The following ADGRD2 variants were observed in gnomAD, a reference collection of about 807,000 sequenced individuals.
The protein encoded by ADGRD2 is G protein-coupled receptor PGR24.
A neutral mutation model predicts 44.4 loss-of-function variants in ADGRD2; 71 were observed. The observed-to-expected ratio is 1.60, with a 90% CI of 1.32 to 1.95. The LOEUF is 1.95. Ranked by LOEUF, ADGRD2 falls within the 30% of genes most tolerant of loss-of-function variation. ADGRD2 has a pLI of 0.00. For synonymous variants in ADGRD2, 481 were observed against 224.8 expected (o/e 2.14, Z -10.19); for missense variants, 1,039 against 512.4 (o/e 2.03, Z -9.92).
At chr9:124,452,655 T>C (rs960927677) in exon 2 of ADGRD2, 1 of 717,968 alleles carries the variant, frequency 1.4e-6, no homozygotes, top group Non-Finnish European at 2.6e-6. Flanking sequence ...GGGTTCTTGC[T>C]TCACGGCTGC....
intron 10 of ADGRD2, 122 bp downstream of exon 13, chr9:124,458,843 G>A: frequency 1.6e-6 from 1 of 610,506 alleles, no homozygotes; most frequent in South Asian, 2.0e-5. Context: ...AAAGGTACCT[G>A]CAAGCCACCT....
At chr9:124,466,364 G>A in exon 11 of ADGRD2, 1 of 717,438 alleles carries the variant, frequency 1.4e-6, no homozygotes, top group Non-Finnish European at 2.6e-6. Context: ...GCCTGCTTCT[G>A]CAACCACAGC....
At chr9:124,475,530 G>T (rs1375684286) in intron 18 of ADGRD2, 41 bp from the exon 22 acceptor site, 1 of 715,844 alleles carries the variant, frequency 1.4e-6, no homozygotes, top group African/African-American at 1.7e-5. Context: ...GGTCCAAGGG[G>T]TAGGGAGGGT....
At chr9:124,451,998 C>CGGGGGGGGGG, upstream of ADGRD2, 1 of 335,356 alleles carries the variant, frequency 3.0e-6, no homozygotes. Context: ...CCACTGAATG[C>CGGGGGGGGGG]CCCCCTCCCA....
intron 10 of ADGRD2, among the ~76,000 whole-genome samples, chr9:124,461,706 G>A (rs1232070147): frequency 6.6e-6 from 1 of 150,860 alleles, no homozygotes; most frequent in Non-Finnish European, 1.5e-5. Context: ...TTGAAATCAG[G>A]TAGTGTATCT....
At chr9:124,471,679 G>C (rs563842519) in intron 17 of ADGRD2, among the ~76,000 whole-genome samples, 1 of 152,200 alleles carries the variant, frequency 6.6e-6, no homozygotes, top group African/African-American at 2.4e-5. Flanking sequence ...CCACAGATGG[G>C]TCCTGGCTGG....
rs747930744 is a variant in ADGRD2 at position 124,456,609 on chromosome 9, A to G, written c.1394-13A>G. ...AGAGTGTGACAGAGAGCTGAGATGC[A>G]GCGTCCTCCCAGGTGATTGGTGGGC... On this transcript the variant is annotated splice_polypyrimidine_tract_variant and intron_variant, in intron 6 of 21. Coordinates refer to ENST00000334810, the Ensembl canonical transcript of ADGRD2. 7 of 718,128 alleles carry G rather than the reference A, an allele frequency of 9.7e-6. No individual in the cohort carries two copies. The highest frequency in any genetic ancestry group is 1.7e-5 in the African/African-American group (1 of 57,372). The allele number at this position is 718,128 out of a possible 1,614,324, so 44.5% of individuals were successfully genotyped here.
upstream of ADGRD2, chr9:124,451,485 C>T (rs191758920): frequency 4.0e-5 from 14 of 347,744 alleles, no homozygotes; most frequent in Admixed American, 3.9e-4. Context: ...GCTTCCAGCC[C>T]ACTGGTTGGT....
chr9:124,450,521 G>C (rs553811220), upstream of ADGRD2, among the ~76,000 whole-genome samples: 1 of 152,376 alleles, frequency 6.6e-6, no homozygotes, highest in Admixed American at 6.5e-5. Context: ...GTGAGGAACT[G>C]GAGCTGGGAA....
At chr9:124,457,145 C>A (rs1831632444) in intron 7 of ADGRD2, among the ~76,000 whole-genome samples, 1 of 152,246 alleles carries the variant, frequency 6.6e-6, no homozygotes, top group African/African-American at 2.4e-5. Context: ...AGTACACACT[C>A]CGTGAATGTT....
At chr9:124,450,670 G>A (rs1183584991), upstream of ADGRD2, among the ~76,000 whole-genome samples, 1 of 152,258 alleles carries the variant, frequency 6.6e-6, no homozygotes, top group Non-Finnish European at 1.5e-5. Flanking sequence ...CAAGAAAAGT[G>A]GGCGCCAGGG....
exon 15 of ADGRD2, chr9:124,469,283 C>T (rs527320722): frequency 1.4e-5 from 10 of 717,908 alleles, no homozygotes; most frequent in Middle Eastern, 2.3e-4. Context: ...ACGTGGCCCC[C>T]GGACATTGCT....
intron 10 of ADGRD2, among the ~76,000 whole-genome samples, chr9:124,461,777 T>C (rs930024022): frequency 3.9e-5 from 6 of 152,120 alleles, no homozygotes; most frequent in Non-Finnish European, 7.4e-5. Flanking sequence ...AGATGGAGTC[T>C]CACTCTGTCA....
chr9:124,472,419 C>G (rs955043515), intron 17 of ADGRD2, among the ~76,000 whole-genome samples: 1 of 152,144 alleles, frequency 6.6e-6, no homozygotes, highest in African/African-American at 2.4e-5. Context: ...CTCAGTCTCT[C>G]TGACACTGGT....
intron 11 of ADGRD2, 121 bp downstream of exon 14, chr9:124,466,534 A>T (rs574408195): frequency 1.8e-6 from 1 of 556,716 alleles, no homozygotes; most frequent in Non-Finnish European, 3.3e-6. Context: ...ATTGTCGGGG[A>T]CAGGGCTGCA....
intron 19 of ADGRD2, 71 bp from the exon 23 acceptor site, chr9:124,476,286 C>CT: frequency 1.5e-6 from 1 of 651,392 alleles, no homozygotes; most frequent in East Asian, 2.8e-5. Context: ...GAGGGCCCCA[C>CT]TCCCAGGATG....
chr9:124,452,767 T>C (rs1159341668), intron 2 of ADGRD2, 45 bp downstream of exon 5: 1 of 692,720 alleles, frequency 1.4e-6, no homozygotes, highest in Admixed American at 2.0e-5. Context: ...GCAGAGGCTC[T>C]GGTGACCTTC....
chr9:124,477,195 CG>C, intron 21 of ADGRD2: 1 of 397,062 alleles, frequency 2.5e-6, no homozygotes, highest in Non-Finnish European at 5.1e-6. Context: ...GGGGGCATGA[CG>C]GGGGCTGAGC....
At chr9:124,476,124 T>C (rs1165429473) in intron 19 of ADGRD2, among the ~76,000 whole-genome samples, 2 of 152,078 alleles carry the variant, frequency 1.3e-5, no homozygotes, top group Non-Finnish European at 2.9e-5. Flanking sequence ...AGGCAGGGCA[T>C]GGGTTGAATG....
Sources: gnomAD v4.1 joint callset for allele counts (sites outside exome capture counted in the v4.1 genomes callset) on GRCh38, gnomAD v4.1.1 for gene constraint, MANE v1.5 for transcripts, NCBI Gene and HGNC (gene_info 2026-07-23, HGNC 2026-07-21) for gene names.